CSMD1: variants seen among roughly 807,000 people sequenced by gnomAD.
CSMD1 encodes CUB and sushi domain-containing protein 1.
In CSMD1, 213 loss-of-function variants were observed where a neutral mutation model predicts 417.5. The ratio of observed to expected loss-of-function variants is 0.51; its 90% CI spans 0.46 to 0.57. The LOEUF (loss-of-function observed/expected upper bound fraction) is 0.57. Ranked by LOEUF, CSMD1 falls within the 20% of genes least tolerant of loss-of-function variation. The pLI is 0.00. For synonymous variants in CSMD1, 2,862 were observed against 1,736.8 expected, an observed-to-expected ratio of 1.65 and a Z score of -16.11; for missense variants, 6,923 against 4,529.7, an observed-to-expected ratio of 1.53 and a Z score of -15.17.
chr8:4,254,757 G>C (rs1039162395), intron 3 of CSMD1, among the ~76,000 whole-genome samples: 3 of 152,106 alleles, frequency 2.0e-5, no homozygotes, highest in Non-Finnish European at 4.4e-5. Context: ...TCTTACCATT[G>C]TGTTACAGTT....
chr8:4,203,312 G>A (rs1018422495), intron 3 of CSMD1, among the ~76,000 whole-genome samples: 5 of 152,106 alleles, frequency 3.3e-5, no homozygotes, highest in African/African-American at 1.2e-4. Flanking sequence ...ACACCACGGG[G>A]TCGGCTCAGG....
intron 4 of CSMD1, among the ~76,000 whole-genome samples, chr8:4,024,975 G>A (rs1281781128): frequency 6.6e-6 from 1 of 152,176 alleles, no homozygotes; most frequent in African/African-American, 2.4e-5. Context: ...GATTGGCCTG[G>A]GCTAGGCCTG....
chr8:4,535,831 G>A (rs930331988), intron 2 of CSMD1, among the ~76,000 whole-genome samples: 25 of 152,176 alleles, frequency 1.6e-4, no homozygotes, highest in Non-Finnish European at 4.4e-5. Flanking sequence ...GAAATACATC[G>A]TGAGTTCACA....
chr8:4,655,233 C>G (rs1354342826), intron 1 of CSMD1, among the ~76,000 whole-genome samples: 1 of 151,926 alleles, frequency 6.6e-6, no homozygotes, highest in East Asian at 1.9e-4. Flanking sequence ...GCAAATCTTA[C>G]CTTGGTTGCT....
chr8:2,950,001 C>A lies in CSMD1; in HGVS notation c.10314+230G>T, dbSNP rs146708523. On this transcript the variant is annotated intron_variant, in intron 67 of 69. Coordinates refer to ENST00000635120, the MANE Select transcript of CSMD1 (RefSeq NM_033225.6). ...GGTCTTGTTCTGTCCTCAACAGTAACCACCCCTTTAAGGATGGCCAGTTCA... is the reference window on the plus strand; with the variant it reads ...GGTCTTGTTCTGTCCTCAACAGTAAACACCCCTTTAAGGATGGCCAGTTCA... 5.4e-4 allele frequency among the ~76,000 whole-genome samples: 82 copies of A among 152,218 alleles called. 2 individuals are homozygous for A. In the East Asian group the frequency reaches 0.014, roughly 27 times the overall value.
intron 26 of CSMD1, among the ~76,000 whole-genome samples, chr8:3,279,632 T>C (rs1169845245): frequency 6.6e-6 from 1 of 152,168 alleles, no homozygotes; most frequent in African/African-American, 2.4e-5. Flanking sequence ...AAAACATACC[T>C]GAGACTGGGT....
At chr8:3,991,538 T>C (rs939922120) in intron 5 of CSMD1, among the ~76,000 whole-genome samples, 2 of 152,196 alleles carry the variant, frequency 1.3e-5, no homozygotes, top group African/African-American at 4.8e-5. Context: ...GATGATTACA[T>C]TACTGTCTAG....
chr8:4,786,069 C>G (rs189297029), intron 1 of CSMD1, among the ~76,000 whole-genome samples: 39 of 151,980 alleles, frequency 2.6e-4, no homozygotes, highest in African/African-American at 9.2e-4. Context: ...TATAAAAATA[C>G]GAATAAAATG....
rs555563592 is a variant in CSMD1, at chr8:4,788,224, G to A, written c.86-150666C>T. The A allele has an allele frequency of 2.2e-3, 3,426 of 1,588,784 alleles. 3 individuals are homozygous for A. The highest frequency in any genetic ancestry group is 2.6e-3 in the Non-Finnish European group (3,012 of 1,160,748). On this transcript the variant is annotated intron_variant, in intron 1 of 69. Coordinates refer to ENST00000635120, the MANE Select transcript of CSMD1 (RefSeq NM_033225.6). The stretch of plus-strand genomic sequence containing the variant: ...CTTTGAGTAACATCTGCGCATAAAG[G>A]ACCAGATGAAACTCTGAGGGTTAAA...
chr8:4,398,130 A>C (rs1281652570), intron 3 of CSMD1, among the ~76,000 whole-genome samples: 1 of 152,160 alleles, frequency 6.6e-6, no homozygotes, highest in Non-Finnish European at 1.5e-5. Context: ...CACATCTGGC[A>C]AAGTGTTTAG....
At chr8:3,709,093 T>G (rs6981596) in intron 6 of CSMD1, among the ~76,000 whole-genome samples, 135,219 of 151,656 alleles carry the variant, frequency 0.89, 60,742 homozygotes, top group East Asian at 0.99. Flanking sequence ...ATCATCATTC[T>G]GAGAGTTAAA....
At chr8:3,890,326 C>G (rs547622995) in intron 5 of CSMD1, among the ~76,000 whole-genome samples, 1 of 152,106 alleles carries the variant, frequency 6.6e-6, no homozygotes, top group African/African-American at 2.4e-5. Context: ...GAATTGCACA[C>G]TTGAATTCAA....
chr8:3,228,735 C>T (rs1006862285), intron 27 of CSMD1, among the ~76,000 whole-genome samples: 2 of 151,310 alleles, frequency 1.3e-5, no homozygotes, highest in African/African-American at 4.9e-5. Flanking sequence ...AGTTATATTG[C>T]TTTTTAATGT....
chr8:4,767,807 T>C (rs1812566841), intron 1 of CSMD1, among the ~76,000 whole-genome samples: 1 of 152,152 alleles, frequency 6.6e-6, no homozygotes, highest in Admixed American at 6.5e-5. Context: ...CAAACACTTA[T>C]TTACCCGAGG....
chr8:3,227,814 C>G (rs1449355617), intron 27 of CSMD1, among the ~76,000 whole-genome samples: 1 of 151,080 alleles, frequency 6.6e-6, no homozygotes, highest in East Asian at 1.9e-4. Flanking sequence ...GTTGCACAGG[C>G]TGGAGTGCAG....
intron 5 of CSMD1, among the ~76,000 whole-genome samples, chr8:3,987,160 G>T (rs114993370): frequency 4.8e-4 from 73 of 152,304 alleles, no homozygotes; most frequent in African/African-American, 1.6e-3. Context: ...TTCTATGGGA[G>T]AAAGCAATCC....
At chr8:4,062,354 T>G (rs1198463228) in intron 3 of CSMD1, among the ~76,000 whole-genome samples, 2 of 152,068 alleles carry the variant, frequency 1.3e-5, no homozygotes, top group African/African-American at 4.8e-5. Context: ...AGAAGAATTT[T>G]CATTTGACAA....
intron 15 of CSMD1, among the ~76,000 whole-genome samples, chr8:3,401,245 C>T (rs1001435697): frequency 2.6e-5 from 4 of 152,022 alleles, no homozygotes; most frequent in African/African-American, 9.7e-5. Flanking sequence ...TTTCTAAAAT[C>T]TGCATGATAA....
chr8:3,985,477 T>G (rs2554728), intron 5 of CSMD1, among the ~76,000 whole-genome samples: 2 of 152,062 alleles, frequency 1.3e-5, no homozygotes, highest in East Asian at 3.9e-4. Flanking sequence ...TAGAACATAA[T>G]TGCTGCTCAG....
Sources: gnomAD v4.1 joint callset for allele counts (sites outside exome capture counted in the v4.1 genomes callset) on GRCh38, gnomAD v4.1.1 for gene constraint, MANE v1.5 for transcripts, NCBI Gene and HGNC (gene_info 2026-07-23, HGNC 2026-07-21) for gene names.